ATP5MK: variants seen among roughly 807,000 people sequenced by gnomAD.
ATP5MK encodes the protein ATP synthase membrane subunit k.
ATP5MK carries 5 observed loss-of-function variants against 6.6 expected under a neutral mutation model. The ratio of observed to expected loss-of-function variants is 0.76; its 90% CI spans 0.40 to 1.60. ATP5MK has a LOEUF of 1.60. Ranked by LOEUF, ATP5MK falls within the 40% of genes most tolerant of loss-of-function variation. The pLI, the probability that ATP5MK is intolerant of heterozygous loss-of-function variation, is 0.02. For synonymous variants in ATP5MK, 30 were observed against 24.5 expected (o/e 1.22, Z -0.66); for missense variants, 57 against 66.6 (o/e 0.86, Z 0.50).
intron 4 of ATP5MK, among the ~76,000 whole-genome samples, chr10:103,390,878 A>C (rs2093412533): frequency 6.6e-6 from 1 of 152,220 alleles, no homozygotes; most frequent in Non-Finnish European, 1.5e-5. Flanking sequence ...CCAACACAAC[A>C]GATATTTAAA....
intron 4 of ATP5MK, among the ~76,000 whole-genome samples, chr10:103,391,235 G>A (rs759313859): frequency 8.5e-5 from 13 of 152,108 alleles, no homozygotes; most frequent in Non-Finnish European, 1.6e-4. Flanking sequence ...ACAAAGCTGG[G>A]TACCTCATAA....
intron 2 of ATP5MK, chr10:103,394,190 CTA>C: frequency 4.3e-6 from 2 of 462,366 alleles, no homozygotes; most frequent in Non-Finnish European, 9.4e-6. Flanking sequence ...GCAGCTTAAT[CTA>C]TAGTACCTGT....
chr10:103,389,952 G>A (rs1413992636), intron 4 of ATP5MK, among the ~76,000 whole-genome samples: 1 of 151,320 alleles, frequency 6.6e-6, no homozygotes, highest in Non-Finnish European at 1.5e-5. Context: ...GGCTGGTCTC[G>A]AACTCCTGAT....
intron 1 of ATP5MK, 167 bp from the exon 2 acceptor site, chr10:103,396,199 A>C (rs1455821990): frequency 1.3e-5 from 2 of 152,230 alleles, no homozygotes; most frequent in African/African-American, 4.8e-5. Flanking sequence ...AAACTGTGGG[A>C]GCCCTTGGGC....
chr10:103,393,586 A>T (rs1036403538), intron 2 of ATP5MK, among the ~76,000 whole-genome samples: 17 of 151,766 alleles, frequency 1.1e-4, no homozygotes, highest in African/African-American at 4.1e-4. Context: ...TCTCAAAAAA[A>T]AAAAAAATAA....
intron 4 of ATP5MK, among the ~76,000 whole-genome samples, chr10:103,389,607 GC>G (rs2093407836): frequency 6.6e-6 from 1 of 152,116 alleles, no homozygotes; most frequent in Non-Finnish European, 1.5e-5. Context: ...ACAGGTGTAA[GC>G]CACTGTGCCT....
rs113222911 is a variant in ATP5MK at position 103,392,467 on chromosome 10, CTT to C, written c.-9-3_-9-2del. The C allele has an allele frequency of 4.6e-3, 7,178 of 1,573,788 alleles. 157 individuals are homozygous for C. The African/African-American group carries it at 0.064, about 14-fold the overall frequency. On this transcript the variant is annotated splice_acceptor_variant and splice_polypyrimidine_tract_variant and intron_variant, in intron 2 of 4. Transcript: ENST00000369815. LOFTEE classifies it low-confidence loss of function (5UTR_SPLICE). ...TTTCTGGACCTGCCATGATTTCAAT[CTT>C]TTAAAAAAAGAAAGAAAGCAACATT...
rs142423495 is a variant in ATP5MK at position 103,391,405 on chromosome 10, T to C, written c.*3+786A>G. ...CAGACATGCATTCAAATTAAAGATA[T>C]ATTTGGTATAAGACAAAATTACAGA... is the stretch of plus-strand genomic sequence containing the variant. On this transcript the variant is annotated intron_variant, in intron 4 of 4. Transcript: ENST00000369815. Among the ~76,000 whole-genome samples the C allele has an allele frequency of 3.9e-5, 6 of 152,378 alleles. No individual in the cohort carries two copies. The East Asian group carries it at 1.2e-3, about 29-fold the overall frequency.
chr10:103,389,505 T>C (rs953169620), intron 4 of ATP5MK, among the ~76,000 whole-genome samples: 1 of 151,888 alleles, frequency 6.6e-6, no homozygotes, highest in African/African-American at 2.4e-5. Flanking sequence ...TATTTTTTAG[T>C]AGAGACAGGG....
In ATP5MK at chr10:103,392,221, T is replaced by C. The variant is rs1399952292; in HGVS notation, c.150A>G (p.Lys50=). 1.1e-5 allele frequency: 17 copies of C among 1,613,662 alleles called. No homozygotes were observed. The highest frequency in any genetic ancestry group is 1.4e-5 in the Non-Finnish European group (16 of 1,179,898). Residue 50 remains lysine (K), a synonymous_variant, in exon 4 of 5, where the codon AAA becomes AAG. Transcript: ENST00000369815. ...ATGTTGCTTTCACAGCTGGAGTTTT[T>C]TTGGACCTTAACTTGAAATATAAGA... is the stretch of plus-strand genomic sequence containing the variant. The part of the protein sequence containing the change: ...LIVLYFKLRS[K]KTPAVKAT
In ATP5MK at chr10:103,389,185, G is replaced by A. The variant is rs940610429; in HGVS notation, c.*4-19C>T. On this transcript the variant is annotated intron_variant, in intron 4 of 4. Coordinates refer to ENST00000369815, the MANE Select transcript of ATP5MK (RefSeq NM_001206427.2). ...TAAAATCCTATAAACAAAGCAAACA[G>A]TTTAGATACAAATGTGGCCAGCTTT... 1 of 152,354 alleles carries A rather than the reference G, an allele frequency of 6.6e-6. No individual in the cohort carries two copies. The highest frequency in any genetic ancestry group is 1.5e-5 in the Non-Finnish European group (1 of 68,050). The allele number at this position is 152,354 out of a possible 1,614,324, so 9.4% of individuals were successfully genotyped here. A position where few individuals can be genotyped will look rare whatever the true frequency, so the allele number is the denominator to read the frequency against.
At chr10:103,390,934 T>C (rs2093412715) in intron 4 of ATP5MK, among the ~76,000 whole-genome samples, 1 of 152,038 alleles carries the variant, frequency 6.6e-6, no homozygotes, top group Non-Finnish European at 1.5e-5. Context: ...ATAAAACCTA[T>C]GGGGATTTAA....
At chr10:103,395,110 G>T (rs1050105282) in intron 2 of ATP5MK, among the ~76,000 whole-genome samples, 3 of 152,124 alleles carry the variant, frequency 2.0e-5, no homozygotes, top group South Asian at 2.1e-4. Context: ...CAAATGGAGG[G>T]CCAAATGGGG....
chr10:103,392,518 A>G, intron 2 of ATP5MK, 52 bp from the exon 3 acceptor site: 3 of 1,395,910 alleles, frequency 2.1e-6, no homozygotes, highest in Non-Finnish European at 3.0e-6. Context: ...TGTAATTTAA[A>G]AGTAAATAAA....
In ATP5MK at chr10:103,396,450, A is replaced by C. The variant is rs1592104788; in HGVS notation, c.-338T>G. 6.6e-6 allele frequency: 1 copy of C among 152,472 alleles called. No homozygotes were observed. The highest frequency in any genetic ancestry group is 1.5e-5 in the Non-Finnish European group (1 of 68,236). 9.4% of individuals were successfully genotyped at this position (152,472 alleles called of 1,614,324 possible). Reference sequence around the variant, plus strand: ...TTCCGCAGCTGGTGTCCTTCAACGAATGTAACCACCTCTCGGCCCGGCCGG... The same window carrying C: ...TTCCGCAGCTGGTGTCCTTCAACGACTGTAACCACCTCTCGGCCCGGCCGG... On this transcript the variant is annotated 5_prime_UTR_variant, in exon 1 of 5. Transcript: ENST00000369815.
At chr10:103,394,715 T>C (rs1592102469) in intron 2 of ATP5MK, among the ~76,000 whole-genome samples, 1 of 151,750 alleles carries the variant, frequency 6.6e-6, no homozygotes, top group Admixed American at 6.6e-5. Flanking sequence ...TGTTCCACTT[T>C]ACTAAACTTA....
intron 2 of ATP5MK, among the ~76,000 whole-genome samples, chr10:103,394,751 C>T (rs1454463257): frequency 7.7e-6 from 1 of 130,004 alleles, no homozygotes; most frequent in Non-Finnish European, 1.6e-5. Context: ...CCCCCGCCCC[C>T]CGCCCCCCCA....
At chr10:103,394,454 T>G (rs2093424199) in intron 2 of ATP5MK, 1 of 427,058 alleles carries the variant, frequency 2.3e-6, no homozygotes, top group African/African-American at 2.0e-5. Flanking sequence ...AAACTGGAAC[T>G]CCCCCATTCA....
intron 2 of ATP5MK, among the ~76,000 whole-genome samples, chr10:103,395,482 G>A (rs1299089874): frequency 6.6e-6 from 1 of 152,002 alleles, no homozygotes; most frequent in Non-Finnish European, 1.5e-5. Flanking sequence ...ATTGTTGGTA[G>A]GGACGGGGTT....
Sources: allele counts gnomAD v4.1 joint callset (sites outside exome capture counted in the v4.1 genomes callset), GRCh38; gene constraint gnomAD v4.1.1; transcripts MANE v1.5; gene names NCBI Gene and HGNC (gene_info 2026-07-23, HGNC 2026-07-21).